DNM1L: variants seen among roughly 807,000 people sequenced by gnomAD.
DNM1L encodes the protein dynamin 1L.
In DNM1L, 33 loss-of-function variants were observed where a neutral mutation model predicts 92.8. The ratio of observed to expected loss-of-function variants is 0.36; its 90% confidence interval spans 0.27 to 0.48. The LOEUF is 0.48. Among genes scored for constraint, DNM1L ranks in the 20% least tolerant of loss-of-function variants. DNM1L has a pLI of 0.99. For synonymous variants in DNM1L, 284 were observed against 305.0 expected (o/e 0.93, Z 0.72); for missense variants, 485 against 888.8 (o/e 0.55, Z 5.78).
chr12:32,737,381 A>G, intron 14 of DNM1L: 2 of 522,044 alleles, frequency 3.8e-6, no homozygotes, highest in Non-Finnish European at 6.6e-6. Flanking sequence ...AGTAGATTTA[A>G]GCATTTATTT....
At chr12:32,739,908 C>T (rs1182591801) in intron 16 of DNM1L, 156 bp from the exon 17 acceptor site, 1 of 894,898 alleles carries the variant, frequency 1.1e-6, no homozygotes, top group Non-Finnish European at 1.8e-6. Flanking sequence ...TCCAGTTATA[C>T]ATGCTACCTA....
Position 32,737,017 on chromosome 12 carries a change from C to A in DNM1L, c.1540-88C>A, listed in dbSNP as rs375690175. 5,155 of 1,359,886 alleles carry A rather than the reference C, an allele frequency of 3.8e-3. 197 individuals are homozygous for A. The South Asian group carries it at 0.059, about 16-fold the overall frequency. 84.2% of individuals were successfully genotyped at this position (1,359,886 alleles called of 1,614,324 possible). On this transcript the variant is annotated intron_variant, in intron 13 of 19. Transcript: ENST00000549701. Reference sequence around the variant, plus strand: ...TGAGAGGATGTATCTGTAAGTTACTCCACACTTTTCAATTAACATGAACAT... The same window carrying A: ...TGAGAGGATGTATCTGTAAGTTACTACACACTTTTCAATTAACATGAACAT...
intron 13 of DNM1L, 100 bp from the exon 14 acceptor site, chr12:32,737,005 C>G (rs1954930100): frequency 8.8e-7 from 1 of 1,137,010 alleles, no homozygotes; most frequent in Admixed American, 1.9e-5. Context: ...GAGGATGTAT[C>G]TGTAAGTTAC....
At chr12:32,705,245 C>T (rs542858925) in intron 2 of DNM1L, among the ~76,000 whole-genome samples, 4 of 152,052 alleles carry the variant, frequency 2.6e-5, no homozygotes, top group African/African-American at 9.7e-5. Flanking sequence ...TCAGGTGATC[C>T]GTCTGCCTCG....
Position 32,743,510 on chromosome 12 carries a change from T to C in DNM1L, c.*100T>C. 8.7e-7 allele frequency: 1 copy of C among 1,144,846 alleles called. No individual in the cohort carries two copies. Among genetic ancestry groups the C allele is most frequent in the Non-Finnish European group, 1.3e-6 (1 of 768,524 alleles). 70.9% of individuals were successfully genotyped at this position (1,144,846 alleles called of 1,614,324 possible). On this transcript the variant is annotated 3_prime_UTR_variant, in exon 20 of 20. Coordinates refer to ENST00000549701, the MANE Select transcript of DNM1L (RefSeq NM_012062.5). ...TATGAACTCCTGTGTATTGCAATGG[T>C]ATGAATCTGCTCATGTGGAGACTGG...
intron 2 of DNM1L, chr12:32,706,646 C>G (rs1952938163): frequency 2.2e-6 from 1 of 455,064 alleles, no homozygotes; most frequent in Non-Finnish European, 4.4e-6. Context: ...TACCAGGGTT[C>G]TTGTTTTTCC....
chr12:32,724,053 C>T lies in DNM1L; in HGVS notation c.1079+1420C>T, dbSNP rs1038233257. Among the ~76,000 whole-genome samples the T allele has an allele frequency of 1.1e-4, 17 of 152,224 alleles. 1 individual carries two copies. The highest frequency in any genetic ancestry group is 1.9e-4 in the Non-Finnish European group (13 of 68,028). ...CAATCCAATAGTCCACCCTCGCCAT[C>T]GTCAAAAGAAAGTTGCCTCAAAATT... On this transcript the variant is annotated intron_variant, in intron 9 of 19. Coordinates refer to ENST00000549701, the MANE Select transcript of DNM1L (RefSeq NM_012062.5).
At chr12:32,727,487 A>C (rs1592650285) in intron 9 of DNM1L, 2 of 593,704 alleles carry the variant, frequency 3.4e-6, no homozygotes, top group Middle Eastern at 4.5e-4. Context: ...GCAGCACTGC[A>C]AGCAGATGGC....
At chr12:32,694,379 C>T (rs780299801) in intron 1 of DNM1L, among the ~76,000 whole-genome samples, 20 of 152,174 alleles carry the variant, frequency 1.3e-4, no homozygotes, top group African/African-American at 2.4e-4. Flanking sequence ...CCACCGCGCC[C>T]GGCCATATTT....
chr12:32,701,200 C>T lies in DNM1L; in HGVS notation c.103-215C>T, dbSNP rs190425685. On this transcript the variant is annotated intron_variant, in intron 1 of 19. Transcript: ENST00000549701. ...TTGAGGCAGGAGAATCGCTTGAACCCGGGAGGCGGAGGTTGCAGTGAGCCG... is the reference window on the plus strand; with the variant it reads ...TTGAGGCAGGAGAATCGCTTGAACCTGGGAGGCGGAGGTTGCAGTGAGCCG... 0.013 allele frequency among the ~76,000 whole-genome samples: 1,896 copies of T among 151,244 alleles called. 40 individuals carry two copies. The highest frequency in any genetic ancestry group is 0.035 in the African/African-American group (1,463 of 41,216).
rs142007553 is a variant in DNM1L, at chr12:32,687,113, A to G, written c.102+7648A>G. 7.4e-4 allele frequency among the ~76,000 whole-genome samples: 112 copies of G among 151,592 alleles called. 1 individual carries two copies. The East Asian group carries it at 0.013, about 18-fold the overall frequency. ...TTTGCTTCCTTGTTAGTGTCCTTCAATACACAAAAGGTTTTACTTTTGGTT... is the reference window on the plus strand; with the variant it reads ...TTTGCTTCCTTGTTAGTGTCCTTCAGTACACAAAAGGTTTTACTTTTGGTT... On this transcript the variant is annotated intron_variant, in intron 1 of 19. Coordinates refer to ENST00000549701, the MANE Select transcript of DNM1L (RefSeq NM_012062.5).
At chr12:32,735,502 ATC>A (rs1171535525) in intron 13 of DNM1L, among the ~76,000 whole-genome samples, 3 of 152,168 alleles carry the variant, frequency 2.0e-5, no homozygotes, top group Admixed American at 6.5e-5. Flanking sequence ...TACTTTTATT[ATC>A]TGTTATTTTT....
At position 32,720,801 on chromosome 12, in the gene DNM1L, T is replaced by C; in HGVS notation, c.872+6T>C. On this transcript the variant is annotated splice_donor_region_variant and intron_variant, in intron 8 of 19. Transcript: ENST00000549701. Reference sequence around the variant, plus strand: ...CTTGCTAGGACTCTAAACAGGTAATTTTTTTACCTTTTGGAAATGAGATGT... The same window carrying C: ...CTTGCTAGGACTCTAAACAGGTAATCTTTTTACCTTTTGGAAATGAGATGT... 6.2e-7 allele frequency: 1 copy of C among 1,612,564 alleles called. No individual in the cohort carries two copies. The highest frequency in any genetic ancestry group is 8.5e-7 in the Non-Finnish European group (1 of 1,179,696).
chr12:32,709,946 G>A (rs987485001), intron 4 of DNM1L, among the ~76,000 whole-genome samples: 5 of 152,132 alleles, frequency 3.3e-5, no homozygotes, highest in African/African-American at 1.2e-4. Flanking sequence ...AAAACTTGCT[G>A]GGAAATTAGA....
chr12:32,712,345 T>C (rs1385097524), intron 5 of DNM1L, among the ~76,000 whole-genome samples: 1 of 152,182 alleles, frequency 6.6e-6, no homozygotes, highest in African/African-American at 2.4e-5. Context: ...TTCACTCTCT[T>C]TGGAATTTCT....
chr12:32,686,298 C>T (rs1454134090), intron 1 of DNM1L, among the ~76,000 whole-genome samples: 3 of 152,078 alleles, frequency 2.0e-5, no homozygotes, highest in South Asian at 2.1e-4. Context: ...CCGTCCACCT[C>T]GACCTCCCAA....
intron 14 of DNM1L, chr12:32,737,615 A>T: frequency 4.2e-6 from 2 of 479,880 alleles, no homozygotes; most frequent in South Asian, 4.4e-5. Context: ...AAAGAATCTT[A>T]TTAAATACCA....
Position 32,731,612 on chromosome 12 carries a change from A to G in DNM1L, c.1356+101A>G. ...AAATGTATAAGATGGGATACAAGGT[A>G]AAATCTGTAGTTCCCTTACCTGAAA... On this transcript the variant is annotated intron_variant, in intron 11 of 19. Coordinates refer to ENST00000549701, the MANE Select transcript of DNM1L (RefSeq NM_012062.5). The surrounding 1 kb of genome is among the most constrained non-coding windows in gnomAD (Gnocchi z 5.1). 6 of 1,458,954 alleles carry G rather than the reference A, an allele frequency of 4.1e-6. No individual in the cohort carries two copies. The highest frequency in any genetic ancestry group is 4.7e-6 in the Non-Finnish European group (5 of 1,059,544). The allele number at this position is 1,458,954 out of a possible 1,614,324, so 90.4% of individuals were successfully genotyped here. A position where few individuals can be genotyped will look rare whatever the true frequency, so the allele number is the denominator to read the frequency against.
chr12:32,715,714 A>G (rs1173128534), intron 6 of DNM1L, among the ~76,000 whole-genome samples: 1 of 151,336 alleles, frequency 6.6e-6, no homozygotes, highest in Non-Finnish European at 1.5e-5. Context: ...CCTGGACAAC[A>G]GAGTAGGACA....
Sources: allele counts gnomAD v4.1 joint callset (sites outside exome capture counted in the v4.1 genomes callset), GRCh38; gene constraint gnomAD v4.1.1; non-coding constraint Gnocchi (gnomAD v3.1); transcripts MANE v1.5; gene names NCBI Gene and HGNC (gene_info 2026-07-23, HGNC 2026-07-21).